The following NCKAP5 variants were observed in gnomAD, a reference collection of about 807,000 sequenced individuals.
NCKAP5 encodes nck-associated protein 5.
NCKAP5 carries 92 observed loss-of-function variants against 167.0 expected under a neutral mutation model. That is an observed-to-expected ratio of 0.55 (90% CI 0.47 to 0.66). NCKAP5 has a LOEUF of 0.66. NCKAP5 is among the 30% of genes least tolerant of loss of function. The pLI, the probability that NCKAP5 is intolerant of heterozygous loss-of-function variation, is 0.00. For missense variants in NCKAP5, 2,378 were observed against 2,315.0 expected, an observed-to-expected ratio of 1.03 and a Z score of -0.56; for synonymous variants, 891 against 877.4, an observed-to-expected ratio of 1.02 and a Z score of -0.27.
chr2:133,252,976 G>T (rs1356281381), intron 4 of NCKAP5, among the ~76,000 whole-genome samples: 1 of 152,214 alleles, frequency 6.6e-6, no homozygotes, highest in Admixed American at 6.5e-5. Flanking sequence ...CACGTGAGGT[G>T]AAGACTCTGT....
intron 3 of NCKAP5, among the ~76,000 whole-genome samples, chr2:133,383,630 G>A (rs1686696703): frequency 1.3e-5 from 2 of 152,134 alleles, no homozygotes. Context: ...GAACCCTGAG[G>A]AATTGCCACA....
At chr2:132,840,339 G>C (rs1205557436) in intron 11 of NCKAP5, among the ~76,000 whole-genome samples, 2 of 148,824 alleles carry the variant, frequency 1.3e-5, no homozygotes, top group Non-Finnish European at 3.0e-5. Context: ...GCATTGGTGT[G>C]ATCTCAGCTC....
In NCKAP5 at chr2:132,958,012, A is replaced by C. The variant is rs565141142; in HGVS notation, c.579+5708T>G. Among the ~76,000 whole-genome samples the C allele has an allele frequency of 4.6e-5, 7 of 152,290 alleles. 1 individual carries two copies. The East Asian group carries it at 9.6e-4, about 21-fold the overall frequency. Reference sequence around the variant, plus strand: ...CTGTGTCTTTGAGTCCCCGTTCTGAAGGCTCCTATGTATACACATTGAAAA... The same window carrying C: ...CTGTGTCTTTGAGTCCCCGTTCTGACGGCTCCTATGTATACACATTGAAAA... On this transcript the variant is annotated intron_variant, in intron 8 of 19. Coordinates refer to ENST00000409261, the MANE Select transcript of NCKAP5 (RefSeq NM_207363.3).
intron 6 of NCKAP5, among the ~76,000 whole-genome samples, chr2:133,078,054 A>T (rs1355324474): frequency 1.3e-5 from 2 of 152,126 alleles, no homozygotes; most frequent in Non-Finnish European, 2.9e-5. Flanking sequence ...TAGCTATGGG[A>T]CTTTAGGGTT....
intron 3 of NCKAP5, among the ~76,000 whole-genome samples, chr2:133,414,119 C>T (rs1688953951): frequency 6.6e-6 from 1 of 152,130 alleles, no homozygotes; most frequent in Non-Finnish European, 1.5e-5. Flanking sequence ...AATGTCACGC[C>T]ACAGCAATTT....
intron 11 of NCKAP5, among the ~76,000 whole-genome samples, chr2:132,857,071 A>G (rs1283554942): frequency 6.6e-6 from 1 of 152,164 alleles, no homozygotes; most frequent in African/African-American, 2.4e-5. Context: ...ATAGAGTCTG[A>G]CACATGGTAA....
chr2:133,534,751 T>C (rs1295211542), intron 2 of NCKAP5, among the ~76,000 whole-genome samples: 3 of 152,238 alleles, frequency 2.0e-5, no homozygotes, highest in Non-Finnish European at 4.4e-5. Context: ...TTTACCAGTA[T>C]TGGACAACTG....
intron 5 of NCKAP5, among the ~76,000 whole-genome samples, chr2:133,189,560 T>G (rs997992430): frequency 2.0e-5 from 3 of 152,020 alleles, no homozygotes; most frequent in African/African-American, 7.2e-5. Context: ...ACCAAATCCA[T>G]CAGCACATCA....
chr2:133,028,788 G>A (rs975377196), intron 6 of NCKAP5, among the ~76,000 whole-genome samples: 1 of 152,148 alleles, frequency 6.6e-6, no homozygotes, highest in African/African-American at 2.4e-5. Flanking sequence ...ACTGGATCAC[G>A]GTGATGAATT....
At chr2:133,532,730 T>C (rs1185318216) in intron 2 of NCKAP5, among the ~76,000 whole-genome samples, 1 of 152,184 alleles carries the variant, frequency 6.6e-6, no homozygotes, top group Non-Finnish European at 1.5e-5. Context: ...CCACCCAGAA[T>C]TCTTTAATTT....
At chr2:133,185,575 T>C (rs1204377616) in intron 5 of NCKAP5, among the ~76,000 whole-genome samples, 1 of 152,042 alleles carries the variant, frequency 6.6e-6, no homozygotes, top group East Asian at 1.9e-4. Context: ...ACTGTAATAA[T>C]ATTGATTTTT....
intron 19 of NCKAP5, among the ~76,000 whole-genome samples, chr2:132,674,992 C>T (rs1684246866): frequency 6.6e-6 from 1 of 152,170 alleles, no homozygotes; most frequent in Non-Finnish European, 1.5e-5. Flanking sequence ...TGCCAATTTG[C>T]CTACATTTAC....
At position 132,833,335 on chromosome 2, in the gene NCKAP5, G is replaced by A. The variant is rs558946292; in HGVS notation, c.807+27157C>T. Among the ~76,000 whole-genome samples, 114 of 152,244 alleles carry A rather than the reference G, an allele frequency of 7.5e-4. 1 individual carries two copies. The highest frequency in any genetic ancestry group is 1.5e-3 in the Non-Finnish European group (103 of 67,994). Reference sequence around the variant, plus strand: ...TTCTGCAGGTTCTGTTCACTCTGTCGATTATTTCATTTGCTGTGCAGAAGC... The same window carrying A: ...TTCTGCAGGTTCTGTTCACTCTGTCAATTATTTCATTTGCTGTGCAGAAGC... On this transcript the variant is annotated intron_variant, in intron 11 of 19. Transcript: ENST00000409261.
intron 4 of NCKAP5, among the ~76,000 whole-genome samples, chr2:133,240,651 A>G (rs1351810051): frequency 6.6e-6 from 1 of 152,316 alleles, no homozygotes; most frequent in Middle Eastern, 3.4e-3. Flanking sequence ...TCCACCACAT[A>G]CAAAAAGTGC....
At position 133,274,506 on chromosome 2, in the gene NCKAP5, C is replaced by T. The variant is rs77775807; in HGVS notation, c.143+28531G>A. 5.1e-4 allele frequency among the ~76,000 whole-genome samples: 78 copies of T among 151,950 alleles called. 1 individual carries two copies. The East Asian group carries it at 0.013, about 26-fold the overall frequency. ...CAGATTTATACACTCAACTTACCAG[C>T]GAGTCCTAAATTTATTTCAAAAAAG... is the stretch of plus-strand genomic sequence containing the variant. On this transcript the variant is annotated intron_variant, in intron 4 of 19. Transcript: ENST00000409261.
chr2:132,828,332 T>A (rs964495773), intron 11 of NCKAP5, among the ~76,000 whole-genome samples: 1 of 152,134 alleles, frequency 6.6e-6, no homozygotes, highest in South Asian at 2.1e-4. Flanking sequence ...AGGAGGGGCC[T>A]GGTGGGAGGT....
chr2:133,111,436 A>G (rs1397771499), intron 6 of NCKAP5, among the ~76,000 whole-genome samples: 1 of 152,236 alleles, frequency 6.6e-6, no homozygotes, highest in Non-Finnish European at 1.5e-5. Flanking sequence ...CAATGGAGAG[A>G]TACAAGAAGA....
chr2:133,143,663 T>C (rs1187613897), intron 5 of NCKAP5, among the ~76,000 whole-genome samples: 2 of 151,498 alleles, frequency 1.3e-5, no homozygotes, highest in African/African-American at 4.9e-5. Flanking sequence ...TGAAGGAAAA[T>C]AAGAGAGAGA....
At chr2:133,070,634 C>A (rs1445663768) in intron 6 of NCKAP5, among the ~76,000 whole-genome samples, 1 of 152,128 alleles carries the variant, frequency 6.6e-6, no homozygotes, top group African/African-American at 2.4e-5. Context: ...ATGAAGAGAT[C>A]TTTTTCAAGT....
Sources: gnomAD v4.1 joint callset for allele counts (sites outside exome capture counted in the v4.1 genomes callset) on GRCh38, gnomAD v4.1.1 for gene constraint, MANE v1.5 for transcripts, NCBI Gene and HGNC (gene_info 2026-07-23, HGNC 2026-07-21) for gene names.